The following GSTP1 variants were observed in gnomAD, a reference collection of about 807,000 sequenced individuals.
GSTP1 encodes the protein glutathione S-transferase P.
GSTP1 carries 28 observed loss-of-function variants against 29.4 expected under a neutral mutation model. The ratio of observed to expected loss-of-function variants is 0.95; its 90% CI spans 0.71 to 1.30. The LOEUF (loss-of-function observed/expected upper bound fraction) is 1.30, where lower values mean the gene tolerates loss of function less well. Ranked by LOEUF, GSTP1 falls within the 50% of genes most tolerant of loss-of-function variation. The pLI is 0.00. For synonymous variants in GSTP1, 122 were observed against 117.0 expected, an observed-to-expected ratio of 1.04 and a Z score of -0.28; for missense variants, 267 against 266.1, an observed-to-expected ratio of 1.00 and a Z score of -0.02.
In GSTP1 at chr11:67,586,104, GA is replaced by G. The variant is rs949710547; in HGVS notation, c.338del (p.Glu113GlyfsTer8). The G allele has an allele frequency of 5.0e-6, 8 of 1,610,694 alleles. No homozygotes were observed. Among genetic ancestry groups the G allele is most frequent in the Non-Finnish European group, 6.8e-6 (8 of 1,177,176 alleles). On this transcript the variant is annotated frameshift_variant and splice_region_variant, in exon 6 of 7. Transcript: ENST00000398606. LOFTEE classifies it high-confidence loss of function. ...GATGATACATGGTGGTGTCTGGCAGGAGGCGGGCAAGGATGACTATGTGAAG... is the reference window on the plus strand; with the variant it reads ...GATGATACATGGTGGTGTCTGGCAGGGGCGGGCAAGGATGACTATGTGAAG... ...KYISLIYTNY[E>X]AGKDDYVKAL...
At chr11:67,586,271 G>C in intron 6 of GSTP1, 60 bp downstream of exon 6, 2 of 1,525,760 alleles carry the variant, frequency 1.3e-6, no homozygotes, top group Non-Finnish European at 1.8e-6. Context: ...GATGGACACA[G>C]GTGTGAGCCA....
At chr11:67,584,318 C>A in intron 2 of GSTP1, 146 bp from the exon 3 acceptor site, 1 of 726,946 alleles carries the variant, frequency 1.4e-6, no homozygotes, top group South Asian at 1.8e-5. Flanking sequence ...CCTCTCCCGC[C>A]ATGCCTGCTC....
rs765333942 is a variant in GSTP1, at chr11:67,583,817, A to G, written c.-27A>G. On this transcript the variant is annotated 5_prime_UTR_variant, in exon 1 of 7. Transcript: ENST00000398606. ...TCGGAGGCCGCGAGGCCTTCGCTGG[A>G]GTTTCGCCGCCGCAGTCTTCGCCAC... 1 of 738,834 alleles carries G rather than the reference A, an allele frequency of 1.4e-6. No homozygotes were observed. Among genetic ancestry groups the G allele is most frequent in the Non-Finnish European group, 2.5e-6 (1 of 401,584 alleles). The allele number at this position is 738,834 out of a possible 1,614,324, so 45.8% of individuals were successfully genotyped here.
chr11:67,584,546 G>C lies in GSTP1; in HGVS notation c.120G>C (p.Gln40His). 6.2e-7 allele frequency: 1 copy of C among 1,601,816 alleles called. No homozygotes were observed. The highest frequency in any genetic ancestry group is 8.5e-7 in the Non-Finnish European group (1 of 1,174,236). Residue 40 changes from glutamine to histidine, a missense_variant, in exon 3 of 7, where the codon CAG (glutamine) becomes CAC (histidine). Physicochemically the swap from Gln to His is conservative, Grantham distance 24. Coordinates refer to ENST00000398606, the MANE Select transcript of GSTP1 (RefSeq NM_000852.4). ...AGGTGGTGACCGTGGAGACGTGGCA[G>C]GAGGGCTCACTCAAAGCCTCCTGCG... The part of the protein sequence containing the change: ...KEEVVTVETW[Q>H]EGSLKASCLY...
In GSTP1 at chr11:67,585,226, C is replaced by T. The variant is rs755293105; in HGVS notation, c.321C>T (p.Leu107=). The part of the protein sequence containing the change: ...VEDLRCKYIS[L]IYTNYEAGKD... ...ACCTCCGCTGCAAATACATCTCCCT[C>T]ATCTACACCAACTATGTGAGCATCT... Residue 107 remains leucine (L), a synonymous_variant, in exon 5 of 7, where the codon CTC becomes CTT. Coordinates refer to ENST00000398606, the MANE Select transcript of GSTP1 (RefSeq NM_000852.4). The T allele has an allele frequency of 2.4e-5, 38 of 1,590,668 alleles. No individual in the cohort carries two copies. Among genetic ancestry groups the T allele is most frequent in the African/African-American group, 9.6e-5 (7 of 72,680 alleles).
chr11:67,585,026 C>T (rs539398682), intron 4 of GSTP1, 112 bp from the exon 5 acceptor site: 3 of 694,488 alleles, frequency 4.3e-6, no homozygotes, highest in South Asian at 3.4e-5. Flanking sequence ...CATCCTCTTC[C>T]CCTCCTCCCA....
chr11:67,584,477 C>A lies in GSTP1; in HGVS notation c.51C>A (p.Ala17=). The A allele has an allele frequency of 6.5e-7, 1 of 1,542,892 alleles. No homozygotes were observed. The highest frequency in any genetic ancestry group is 8.7e-7 in the Non-Finnish European group (1 of 1,143,328). Residue 17 remains alanine (A), a synonymous_variant, in exon 3 of 7, where the codon GCC becomes GCA. Coordinates refer to ENST00000398606, the MANE Select transcript of GSTP1 (RefSeq NM_000852.4). ...VYFPVRGRCA[A]LRMLLADQGQ... The stretch of plus-strand genomic sequence containing the variant: ...CCCTCCCCGCAGGCCGCTGCGCGGC[C>A]CTGCGCATGCTGCTGGCAGATCAGG...
intron 5 of GSTP1, 114 bp downstream of exon 5, chr11:67,585,355 G>A: frequency 4.3e-6 from 3 of 695,016 alleles, no homozygotes; most frequent in South Asian, 3.6e-5. Flanking sequence ...TTGGGTCAGG[G>A]TGCAGGGGCT....
chr11:67,586,523 C>A lies in GSTP1; in HGVS notation c.579C>A (p.Phe193Leu). The A allele has an allele frequency of 6.2e-7, 1 of 1,614,172 alleles. No individual in the cohort carries two copies. The highest frequency in any genetic ancestry group is 8.5e-7 in the Non-Finnish European group (1 of 1,179,990). Residue 193 changes from phenylalanine (F) to leucine (L), a missense_variant, in exon 7 of 7, where the codon TTC (phenylalanine) becomes TTA (leucine). Phe to Leu is a conservative substitution (Grantham distance 22). Coordinates refer to ENST00000398606, the MANE Select transcript of GSTP1 (RefSeq NM_000852.4). ...GTGCCCGGCCCAAGCTCAAGGCCTTCCTGGCCTCCCCTGAGTACGTGAACC... is the reference window on the plus strand; with the variant it reads ...GTGCCCGGCCCAAGCTCAAGGCCTTACTGGCCTCCCCTGAGTACGTGAACC... ...RLSARPKLKA[F>L]LASPEYVNLP...
rs757711866 is a variant in GSTP1, at chr11:67,586,169, G to T, written c.402G>T (p.Leu134=). 10 of 1,613,876 alleles carry T rather than the reference G, an allele frequency of 6.2e-6. No individual in the cohort carries two copies. In the Admixed American group the frequency reaches 1.7e-4, roughly 27 times the overall value. Residue 134 remains leucine, a synonymous_variant, in exon 6 of 7, where the codon CTG becomes CTT. Transcript: ENST00000398606. ...AACTGAAGCCTTTTGAGACCCTGCT[G>T]TCCCAGAACCAGGGAGGCAAGACCT... ...PGQLKPFETL[L]SQNQGGKTFI...
chr11:67,584,749 T>G lies in GSTP1; in HGVS notation c.209T>G (p.Leu70Arg), dbSNP rs779929728. The change falls in exon 4 of 7, where the codon CTG becomes CGG. Residue 70 changes from leucine (L) to arginine (R), a missense_variant. Leu to Arg is a moderately radical substitution (Grantham distance 102). Coordinates refer to ENST00000398606, the MANE Select transcript of GSTP1 (RefSeq NM_000852.4). ...DLTLYQSNTI[L>R]RHLGRTLGLY... ...ACCCTGTACCAGTCCAATACCATCC[T>G]GCGTCACCTGGGCCGCACCCTTGGT... The G allele has an allele frequency of 1.2e-6, 2 of 1,613,186 alleles. No homozygotes were observed. Among genetic ancestry groups the G allele is most frequent in the South Asian group, 2.2e-5 (2 of 91,082 alleles).
chr11:67,584,483 C>A lies in GSTP1; in HGVS notation c.57C>A (p.Arg19=), dbSNP rs541059080. The change falls in exon 3 of 7, where the codon CGC becomes CGA. Residue 19 remains arginine, a synonymous_variant. Transcript: ENST00000398606. ...CCGCAGGCCGCTGCGCGGCCCTGCG[C>A]ATGCTGCTGGCAGATCAGGGCCAGA... ...FPVRGRCAAL[R]MLLADQGQSW... is the part of the protein sequence containing the mutation. 6.4e-7 allele frequency: 1 copy of A among 1,550,828 alleles called. No homozygotes were observed. The highest frequency in any genetic ancestry group is 1.2e-5 in the South Asian group (1 of 85,074).
chr11:67,586,034 TG>T, intron 5 of GSTP1, 69 bp from the exon 6 acceptor site: 1 of 1,157,012 alleles, frequency 8.6e-7, no homozygotes, highest in Non-Finnish European at 1.3e-6. Context: ...GTGTCTGGCC[TG>T]GGGCAGACGG....
At position 67,586,099 on chromosome 11, in the gene GSTP1, G is replaced by A. The variant is rs1365338934; in HGVS notation, c.337-5G>A. Reference sequence around the variant, plus strand: ...AGTAGGATGATACATGGTGGTGTCTGGCAGGAGGCGGGCAAGGATGACTAT... The same window carrying A: ...AGTAGGATGATACATGGTGGTGTCTAGCAGGAGGCGGGCAAGGATGACTAT... On this transcript the variant is annotated splice_region_variant and splice_polypyrimidine_tract_variant and intron_variant, in intron 5 of 6. Transcript: ENST00000398606. 1 of 1,608,224 alleles carries A rather than the reference G, an allele frequency of 6.2e-7. No homozygotes were observed. Among genetic ancestry groups the A allele is most frequent in the African/African-American group, 1.3e-5 (1 of 74,892 alleles).
intron 2 of GSTP1, 86 bp downstream of exon 2, chr11:67,584,255 C>T (rs1238956455): frequency 2.4e-5 from 26 of 1,071,246 alleles, no homozygotes; most frequent in Non-Finnish European, 3.4e-5. Context: ...GATCCGAACC[C>T]CCTTATCCCT....
chr11:67,585,452 C>T (rs547466863), intron 5 of GSTP1, among the ~76,000 whole-genome samples: 8 of 152,188 alleles, frequency 5.3e-5, no homozygotes, highest in South Asian at 4.1e-4. Context: ...AGCCAAGTAA[C>T]GGGTCATGGG....
chr11:67,586,469 C>T lies in GSTP1; in HGVS notation c.525C>T (p.Pro175=), dbSNP rs773714649. Residue 175 remains proline (P), a synonymous_variant, in exon 7 of 7, where the codon CCC becomes CCT. Transcript: ENST00000398606. ...CCCCTGGCTGCCTGGATGCGTTCCC[C>T]CTGCTCTCAGCATATGTGGGGCGCC... ...VLAPGCLDAF[P]LLSAYVGRLS... 2 of 1,614,088 alleles carry T rather than the reference C, an allele frequency of 1.2e-6. No homozygotes were observed. Among genetic ancestry groups the T allele is most frequent in the Non-Finnish European group, 8.5e-7 (1 of 1,180,042 alleles).
At chr11:67,585,744 G>A (rs1025913801) in intron 5 of GSTP1, among the ~76,000 whole-genome samples, 1 of 152,162 alleles carries the variant, frequency 6.6e-6, no homozygotes, top group Non-Finnish European at 1.5e-5. Context: ...AGAGATGGGC[G>A]GGCAGTAGGC....
In GSTP1 at chr11:67,584,136, C is replaced by T; in HGVS notation, c.4C>T (p.Pro2Ser). Residue 2 changes from proline to serine, a missense_variant and splice_region_variant, in exon 2 of 7, where the codon CCG becomes TCG. Transcript: ENST00000398606. M[P>S]PYTVVYFPVR... ...AAACTTTTCTTTGTTCGCTGCAGTG[C>T]CGCCCTACACCGTGGTCTATTTCCC... 3 of 1,612,350 alleles carry T rather than the reference C, an allele frequency of 1.9e-6. No homozygotes were observed. Among genetic ancestry groups the T allele is most frequent in the Non-Finnish European group, 1.7e-6 (2 of 1,178,516 alleles).
Sources: allele counts gnomAD v4.1 joint callset (sites outside exome capture counted in the v4.1 genomes callset), GRCh38; gene constraint gnomAD v4.1.1; transcripts MANE v1.5; gene names NCBI Gene and HGNC (gene_info 2026-07-23, HGNC 2026-07-21).